WDR20: variants seen among roughly 807,000 people sequenced by gnomAD.
The protein encoded by WDR20 is WD repeat domain 20.
In WDR20, 3 loss-of-function variants were observed where a neutral mutation model predicts 38.7. The ratio of observed to expected loss-of-function variants is 0.08; its 90% CI spans 0.04 to 0.20. The LOEUF is 0.20. WDR20 is among the 10% of genes least tolerant of loss of function. The probability of loss-of-function intolerance (pLI) is 1.00; values close to 1 mark genes in which losing one functional copy is unlikely to be tolerated. For synonymous variants in WDR20, 298 were observed against 285.6 expected, an observed-to-expected ratio of 1.04 and a Z score of -0.44; for missense variants, 559 against 727.7, an observed-to-expected ratio of 0.77 and a Z score of 2.67.
chr14:102,152,442 G>A (rs1163752254), intron 1 of WDR20, among the ~76,000 whole-genome samples: 2 of 147,112 alleles, frequency 1.4e-5, no homozygotes, highest in African/African-American at 2.5e-5. Flanking sequence ...TTGAGACAGA[G>A]TCTTGCTCTG....
At chr14:102,173,780 C>T (rs993231138) in intron 1 of WDR20, among the ~76,000 whole-genome samples, 1 of 152,084 alleles carries the variant, frequency 6.6e-6, no homozygotes, top group Non-Finnish European at 1.5e-5. Context: ...CGAGGTGATT[C>T]ACGCCTGTAA....
At chr14:102,173,427 T>C in intron 1 of WDR20, among the ~76,000 whole-genome samples, 1 of 143,814 alleles carries the variant, frequency 7.0e-6, no homozygotes, top group African/African-American at 2.6e-5. Context: ...TTTTTTCTTT[T>C]TTTAAAATTA....
intron 2 of WDR20, among the ~76,000 whole-genome samples, chr14:102,199,041 A>G (rs1241743670): frequency 2.0e-5 from 3 of 152,184 alleles, no homozygotes. Context: ...TGGTGAGAAC[A>G]AAGAAGGCCT....
chr14:102,194,566 T>G (rs1319035466), intron 1 of WDR20, among the ~76,000 whole-genome samples: 2 of 152,240 alleles, frequency 1.3e-5, no homozygotes, highest in Admixed American at 6.5e-5. Flanking sequence ...TAGATACATT[T>G]GAAAGCCGAG....
At chr14:102,212,327 G>A (rs1420689155), downstream of WDR20, among the ~76,000 whole-genome samples, 2 of 152,216 alleles carry the variant, frequency 1.3e-5, no homozygotes, top group African/African-American at 2.4e-5. Flanking sequence ...CCTTCGTTGT[G>A]TCTACGTGCC....
chr14:102,173,598 G>T (rs981473155), intron 1 of WDR20, among the ~76,000 whole-genome samples: 7 of 151,650 alleles, frequency 4.6e-5, no homozygotes, highest in Non-Finnish European at 1.0e-4. Context: ...TGTACCCAAT[G>T]TGTAGTCTTT....
intron 2 of WDR20, among the ~76,000 whole-genome samples, chr14:102,202,587 G>A (rs143597049): frequency 0.12 from 17,640 of 151,524 alleles, 1,749 homozygotes; most frequent in African/African-American, 0.27. Context: ...TCACCATATT[G>A]GCCAGGATGG....
rs1161327098 is a variant in WDR20 at position 102,208,616 on chromosome 14, A to G, written c.446A>G (p.Lys149Arg). The G allele has an allele frequency of 1.9e-6, 3 of 1,607,622 alleles. No individual in the cohort carries two copies. Among genetic ancestry groups the G allele is most frequent in the Non-Finnish European group, 2.6e-6 (3 of 1,174,900 alleles). ...TTGTCTTCACAGAGACTAATAGACA[A>G]GTCACGAGTTACCTGTGTCAAATGG... ...KLFNEERLID[K>R]SRVTCVKWVP... The change falls in exon 3 of 3, where the codon AAG (lysine) becomes AGG (arginine). Residue 149 changes from lysine (K) to arginine (R), a missense_variant. Coordinates refer to ENST00000342702, the MANE Select transcript of WDR20 (RefSeq NM_144574.4). This position sits in a 1 kb window ranked among gnomAD's most constrained non-coding sequence, Gnocchi z 5.6.
chr14:102,151,378 G>A (rs1218553470), intron 1 of WDR20, among the ~76,000 whole-genome samples: 2 of 151,736 alleles, frequency 1.3e-5, no homozygotes, highest in East Asian at 1.9e-4. Context: ...TAATTAGGAG[G>A]TGTTTTTTTG....
At position 102,210,097 on chromosome 14, in the gene WDR20, C is replaced by A. The variant is rs1461474324; in HGVS notation, c.*217C>A. The A allele has an allele frequency of 7.6e-6, 10 of 1,323,910 alleles. No homozygotes were observed. The highest frequency in any genetic ancestry group is 5.7e-4 in the Middle Eastern group (2 of 3,514). The allele number at this position is 1,323,910 out of a possible 1,614,324, so 82.0% of individuals were successfully genotyped here. ...AAATATAATCAAACTAATTGCCAGCCAAGTCAGTCATCCTCCTGGGAGTAT... is the reference window on the plus strand; with the variant it reads ...AAATATAATCAAACTAATTGCCAGCAAAGTCAGTCATCCTCCTGGGAGTAT... On this transcript the variant is annotated 3_prime_UTR_variant, in exon 3 of 3. Coordinates refer to ENST00000342702, the MANE Select transcript of WDR20 (RefSeq NM_144574.4).
downstream of WDR20, among the ~76,000 whole-genome samples, chr14:102,212,178 T>C (rs2062627219): frequency 6.6e-6 from 1 of 152,214 alleles, no homozygotes; most frequent in African/African-American, 2.4e-5. Flanking sequence ...CCTGTGTGTG[T>C]CTTTCTCCCC....
At position 102,139,916 on chromosome 14, in the gene WDR20, T is replaced by C; in HGVS notation, c.-8T>C. The C allele has an allele frequency of 6.2e-7, 1 of 1,611,714 alleles. No homozygotes were observed. The highest frequency in any genetic ancestry group is 8.5e-7 in the Non-Finnish European group (1 of 1,177,938). On this transcript the variant is annotated 5_prime_UTR_variant, in exon 1 of 3. Transcript: ENST00000342702. ...GCACTTAGGGCAGGATGAACGCTGCTTTCCAAGATGGCGACGGAGGGAGGA... is the reference window on the plus strand; with the variant it reads ...GCACTTAGGGCAGGATGAACGCTGCCTTCCAAGATGGCGACGGAGGGAGGA...
At chr14:102,157,526 T>A in intron 1 of WDR20, among the ~76,000 whole-genome samples, 1 of 152,152 alleles carries the variant, frequency 6.6e-6, no homozygotes, top group East Asian at 1.9e-4. Flanking sequence ...CTTGCTGCCC[T>A]AACTAGAGGG....
Position 102,220,592 on chromosome 14 carries a change from C to T in WDR20, c.1693-2238C>T, listed in dbSNP as rs752107390. 6.6e-6 allele frequency among the ~76,000 whole-genome samples: 1 copy of T among 151,790 alleles called. No individual in the cohort carries two copies. Among genetic ancestry groups the T allele is most frequent in the Non-Finnish European group, 1.5e-5 (1 of 67,960 alleles). ...AAAGTTAGCTGGGCGTGGTGGCAGG[C>T]GCCTGTAGTCCAAGGTACTTGGGAG... On this transcript the variant is annotated intron_variant, in intron 3 of 3. Coordinates refer to the WDR20 transcript ENST00000335263. This position sits in a 1 kb window ranked among gnomAD's most constrained non-coding sequence, Gnocchi z 4.2.
intron 1 of WDR20, among the ~76,000 whole-genome samples, chr14:102,165,243 T>A (rs2059521604): frequency 6.6e-6 from 1 of 152,154 alleles, no homozygotes; most frequent in Non-Finnish European, 1.5e-5. Context: ...TGCACTGTCA[T>A]TTTTCTGCTG....
At chr14:102,174,256 C>A (rs945451559) in intron 1 of WDR20, among the ~76,000 whole-genome samples, 1 of 151,950 alleles carries the variant, frequency 6.6e-6, no homozygotes, top group Non-Finnish European at 1.5e-5. Context: ...TGGGTAGATA[C>A]CCTGTGGTGG....
intron 1 of WDR20, among the ~76,000 whole-genome samples, chr14:102,152,930 CAGGACT>C (rs998703065): frequency 2.6e-5 from 4 of 152,160 alleles, no homozygotes; most frequent in Admixed American, 2.6e-4. Flanking sequence ...TCAGTAAGCA[CAGGACT>C]AGGAGTCTCA....
chr14:102,188,451 A>C (rs2065424059), intron 1 of WDR20, among the ~76,000 whole-genome samples: 1 of 152,228 alleles, frequency 6.6e-6, no homozygotes, highest in South Asian at 2.1e-4. Flanking sequence ...ATGAACTGGA[A>C]CTGGAGGGCT....
At chr14:102,180,016 G>C (rs1196967847) in intron 1 of WDR20, among the ~76,000 whole-genome samples, 1 of 152,156 alleles carries the variant, frequency 6.6e-6, no homozygotes, top group Non-Finnish European at 1.5e-5. Context: ...AACCAGGCGT[G>C]GTGGCAGGCG....
Sources: gnomAD v4.1 joint callset for allele counts (sites outside exome capture counted in the v4.1 genomes callset) on GRCh38, gnomAD v4.1.1 for gene constraint, Gnocchi (gnomAD v3.1) non-coding constraint, MANE v1.5 for transcripts, NCBI Gene and HGNC (gene_info 2026-07-23, HGNC 2026-07-21) for gene names.